CDH3: variants seen among roughly 807,000 people sequenced by gnomAD.
CDH3 encodes the protein cadherin-3.
Under a neutral mutation model 82.0 loss-of-function variants are expected in CDH3, and 54 were observed. That is an observed-to-expected ratio of 0.66 (90% CI 0.53 to 0.83). The LOEUF (loss-of-function observed/expected upper bound fraction) is 0.83. CDH3 is among the 40% of genes least tolerant of loss of function. The probability of loss-of-function intolerance (pLI) is 0.00; values close to 1 mark genes in which losing one functional copy is unlikely to be tolerated. For missense variants in CDH3, 1,054 were observed against 1,084.6 expected, an observed-to-expected ratio of 0.97 and a Z score of 0.40; for synonymous variants, 446 against 437.9, an observed-to-expected ratio of 1.02 and a Z score of -0.23.
At chr16:68,688,904 G>T (rs1392686764) in intron 12 of CDH3, among the ~76,000 whole-genome samples, 3 of 152,142 alleles carry the variant, frequency 2.0e-5, no homozygotes, top group African/African-American at 7.2e-5. Flanking sequence ...ACAAGCATGA[G>T]CCACCACACC....
intron 2 of CDH3, among the ~76,000 whole-genome samples, chr16:68,675,514 C>T (rs1269520879): frequency 6.6e-6 from 1 of 151,986 alleles, no homozygotes; most frequent in African/African-American, 2.4e-5. Context: ...TTTGGAAAGG[C>T]GGCTGGGCGC....
At chr16:68,684,122 C>T (rs1173288186) in intron 9 of CDH3, among the ~76,000 whole-genome samples, 1 of 151,236 alleles carries the variant, frequency 6.6e-6, no homozygotes, top group Non-Finnish European at 1.5e-5. Flanking sequence ...TCCCAGCTAC[C>T]CAGGAGGCTG....
chr16:68,711,133 A>G (rs1962024819), intron 1 of CDH3, among the ~76,000 whole-genome samples: 1 of 151,796 alleles, frequency 6.6e-6, no homozygotes, highest in East Asian at 1.9e-4. Context: ...CAACATGGAG[A>G]AACCCTGTCC....
intron 2 of CDH3, among the ~76,000 whole-genome samples, chr16:68,663,795 A>G (rs538064178): frequency 1.3e-5 from 2 of 152,034 alleles, no homozygotes; most frequent in South Asian, 2.1e-4. Flanking sequence ...ATTTTTTTTA[A>G]TCAGATATTT....
chr16:68,655,793 G>A (rs1234391997), intron 2 of CDH3, among the ~76,000 whole-genome samples: 3 of 152,172 alleles, frequency 2.0e-5, no homozygotes, highest in African/African-American at 7.2e-5. Context: ...AACCCAGGAG[G>A]CAGAGGTTGC....
chr16:68,701,544 ATTT>A (rs71382058), downstream of CDH3, among the ~76,000 whole-genome samples: 219 of 128,180 alleles, frequency 1.7e-3, no homozygotes, highest in Middle Eastern at 4.2e-3. Flanking sequence ...ATTACACACA[ATTT>A]TTTTTTTTTT....
At chr16:68,732,651 C>T in the CDH3 span, among the ~76,000 whole-genome samples, 3 of 152,198 alleles carry the variant, frequency 2.0e-5, no homozygotes, top group African/African-American at 7.2e-5. Flanking sequence ...AGAGAAAGCT[C>T]AACTCCTGGA....
intron 1 of CDH3, among the ~76,000 whole-genome samples, chr16:68,719,544 GT>G (rs1962138403): frequency 8.3e-6 from 1 of 120,132 alleles, no homozygotes; most frequent in Admixed American, 1.2e-4. Flanking sequence ...GTCTCGCTCT[GT>G]CACCCAGGCT....
intron 2 of CDH3, among the ~76,000 whole-genome samples, chr16:68,648,246 C>A (rs575665803): frequency 1.3e-5 from 2 of 152,182 alleles, no homozygotes; most frequent in Non-Finnish European, 2.9e-5. Flanking sequence ...GGGTGACAGA[C>A]ACAACTTTTA....
At chr16:68,651,204 G>A (rs1960231569) in intron 2 of CDH3, 2 of 515,870 alleles carry the variant, frequency 3.9e-6, no homozygotes, top group Non-Finnish European at 7.9e-6. Context: ...CACCCTGCAG[G>A]TAGCCCATCT....
At chr16:68,693,891 C>T (rs114863513) in intron 13 of CDH3, among the ~76,000 whole-genome samples, 250 of 152,240 alleles carry the variant, frequency 1.6e-3, no homozygotes, top group African/African-American at 5.7e-3. Context: ...CCCCAGTTGG[C>T]CAGTTCCCCC....
Position 68,682,480 on chromosome 16 carries a change from C to T in CDH3, c.1175C>T (p.Thr392Ile), listed in dbSNP as rs1252198505. Residue 392 changes from threonine (T) to isoleucine (I), a missense_variant, in exon 9 of 16, where the codon ACC (threonine) becomes ATC (isoleucine). By Grantham distance (89) the Thr-to-Ile change is moderately conservative (BLOSUM62 -1). Coordinates refer to ENST00000264012, the MANE Select transcript of CDH3 (RefSeq NM_001793.6). ...GAGAGCAACCAGGGCATCCTGACAA[C>T]CAGGAAGGTGAGTCAGTTCGGGCCT... Reference protein sequence around the residue: ...HPESNQGILTTRKGLDFEAKN... With the variant: ...HPESNQGILTIRKGLDFEAKN... 1.2e-6 allele frequency: 2 copies of T among 1,614,044 alleles called. No individual in the cohort carries two copies. The highest frequency in any genetic ancestry group is 1.7e-5 in the Admixed American group (1 of 60,014).
At chr16:68,724,629 T>TAA (rs11322339) in intron 2 of CDH3, among the ~76,000 whole-genome samples, 1 of 146,570 alleles carries the variant, frequency 6.8e-6, no homozygotes. Flanking sequence ...CCCTATTATT[T>TAA]AAAAAAAAAA....
intron 2 of CDH3, among the ~76,000 whole-genome samples, chr16:68,664,055 G>A (rs565051555): frequency 6.7e-6 from 1 of 148,584 alleles, no homozygotes; most frequent in East Asian, 2.0e-4. Context: ...GGCCCAGAGA[G>A]GTTAGCCAAC....
the CDH3 span, among the ~76,000 whole-genome samples, chr16:68,733,524 C>T: frequency 6.6e-6 from 1 of 152,120 alleles, no homozygotes; most frequent in Non-Finnish European, 1.5e-5. Context: ...AGGTGGATCA[C>T]TTGAGGTCAG....
chr16:68,678,339 G>GCATGAGATTT, intron 4 of CDH3, 62 bp downstream of exon 4: 1 of 1,602,852 alleles, frequency 6.2e-7, no homozygotes, highest in Non-Finnish European at 8.5e-7. Context: ...CCAAAGGCCT[G>GCATGAGATTT]CATGAGATTT....
chr16:68,658,369 A>G (rs1391839722), intron 2 of CDH3, among the ~76,000 whole-genome samples: 1 of 152,010 alleles, frequency 6.6e-6, no homozygotes, highest in Non-Finnish European at 1.5e-5. Context: ...TCTCATCCCA[A>G]ATGATGTGGC....
At chr16:68,683,280 T>C (rs943243740) in intron 9 of CDH3, among the ~76,000 whole-genome samples, 3 of 152,202 alleles carry the variant, frequency 2.0e-5, no homozygotes, top group Admixed American at 2.0e-4. Context: ...TGTTAAATGA[T>C]GTGAAATGAA....
chr16:68,693,633 C>T lies in CDH3; in HGVS notation c.2003-1622C>T, dbSNP rs377295210. Among the ~76,000 whole-genome samples, 5 of 152,094 alleles carry T rather than the reference C, an allele frequency of 3.3e-5. No individual in the cohort carries two copies. In the East Asian group the frequency reaches 9.6e-4, roughly 29 times the overall value. On this transcript the variant is annotated intron_variant, in intron 13 of 15. Coordinates refer to ENST00000264012, the MANE Select transcript of CDH3 (RefSeq NM_001793.6). ...TTGGCGTCTTGCCTTCCCCCAGACT[C>T]GGGAGAGGAGAGGTTACTGTCTAGC... is the stretch of plus-strand genomic sequence containing the variant.
Sources: allele counts gnomAD v4.1 joint callset (sites outside exome capture counted in the v4.1 genomes callset), GRCh38; gene constraint gnomAD v4.1.1; transcripts MANE v1.5; gene names NCBI Gene and HGNC (gene_info 2026-07-23, HGNC 2026-07-21).